The following GREB1L variants were observed in gnomAD, a reference collection of about 807,000 sequenced individuals.
GREB1L encodes the protein GREB1 like retinoic acid receptor coactivator, also known as GREB1-like protein.
In GREB1L, 17 loss-of-function variants were observed where a neutral mutation model predicts 200.8. The ratio of observed to expected loss-of-function variants is 0.08; its 90% CI spans 0.06 to 0.13. The LOEUF (loss-of-function observed/expected upper bound fraction) is 0.13, where lower values mean the gene tolerates loss of function less well. Among genes scored for constraint, GREB1L ranks in the 10% least tolerant of loss-of-function variants. The pLI, the probability that GREB1L is intolerant of heterozygous loss-of-function variation, is 1.00. For missense variants in GREB1L, 1,657 were observed against 2,367.7 expected (o/e 0.70, Z 6.23); for synonymous variants, 789 against 893.0 (o/e 0.88, Z 2.08).
intron 1 of GREB1L, among the ~76,000 whole-genome samples, chr18:21,319,422 A>G (rs955023094): frequency 3.3e-5 from 5 of 152,220 alleles, no homozygotes; most frequent in Admixed American, 3.3e-4. Flanking sequence ...ATGTTGATAA[A>G]TGTTAGGAAA....
At chr18:21,502,474 T>C (rs193024050) in intron 23 of GREB1L, among the ~76,000 whole-genome samples, 298 of 152,198 alleles carry the variant, frequency 2.0e-3, no homozygotes, top group African/African-American at 6.9e-3. Context: ...TTTACCTAAA[T>C]AGCTGAACCT....
Position 21,317,110 on chromosome 18 carries a change from G to A in GREB1L, c.-119-48917G>A, listed in dbSNP as rs376574167. Among the ~76,000 whole-genome samples, 112 of 151,932 alleles carry A rather than the reference G, an allele frequency of 7.4e-4. 2 individuals carry two copies. The highest frequency in any genetic ancestry group is 2.6e-3 in the African/African-American group (108 of 41,430). On this transcript the variant is annotated intron_variant, in intron 1 of 32. Transcript: ENST00000424526. Reference sequence around the variant, plus strand: ...TTTTTTTAAATCTCCTATCCAAGCGGGTGCCGTGTTACGTGCCTATAATCG... The same window carrying A: ...TTTTTTTAAATCTCCTATCCAAGCGAGTGCCGTGTTACGTGCCTATAATCG...
intron 1 of GREB1L, among the ~76,000 whole-genome samples, chr18:21,254,714 G>T (rs1232493940): frequency 2.0e-5 from 3 of 152,090 alleles, no homozygotes; most frequent in Non-Finnish European, 4.4e-5. Flanking sequence ...AGATTCTTTT[G>T]GTCATTCTCC....
At chr18:21,418,150 A>G (rs1279880431) in intron 7 of GREB1L, among the ~76,000 whole-genome samples, 1 of 152,130 alleles carries the variant, frequency 6.6e-6, no homozygotes, top group East Asian at 1.9e-4. Flanking sequence ...ACAATAGTCT[A>G]AAGGCCAGGA....
rs528034486 is a variant in GREB1L, at chr18:21,438,076, T to C, written c.833-1445T>C. ...AGGGTAGATCACTTGAACCCAGGAG[T>C]CCAAGACCAGCCTGGGAAACCCTGT... On this transcript the variant is annotated intron_variant, in intron 7 of 32. Transcript: ENST00000424526. Among the ~76,000 whole-genome samples the C allele has an allele frequency of 6.6e-5, 10 of 151,348 alleles. No individual in the cohort carries two copies. The East Asian group carries it at 1.8e-3, about 27-fold the overall frequency.
rs187354034 is a variant in GREB1L, at chr18:21,307,755, G to T, written c.-119-58272G>T. On this transcript the variant is annotated intron_variant, in intron 1 of 32. Coordinates refer to ENST00000424526, the MANE Select transcript of GREB1L (RefSeq NM_001142966.3). The stretch of plus-strand genomic sequence containing the variant: ...AAGCCCCAGCAGGAGACTCGGGGGC[G>T]GGGGGGAGGAGTGAGGTCAGGCTCA... Among the ~76,000 whole-genome samples, 12 of 152,018 alleles carry T rather than the reference G, an allele frequency of 7.9e-5. No homozygotes were observed. In the East Asian group the frequency reaches 1.9e-3, roughly 25 times the overall value.
intron 1 of GREB1L, among the ~76,000 whole-genome samples, chr18:21,302,869 G>A (rs879746209): frequency 1.5e-4 from 23 of 152,214 alleles, no homozygotes; most frequent in South Asian, 1.2e-3. Context: ...CTACAGTCAT[G>A]TGCCACCATG....
At chr18:21,414,358 G>A (rs180977670) in intron 7 of GREB1L, among the ~76,000 whole-genome samples, 162 of 152,244 alleles carry the variant, frequency 1.1e-3, no homozygotes, top group African/African-American at 3.7e-3. Context: ...AAACTGGTTC[G>A]TGGGAGAAGT....
chr18:21,505,360 T>G, intron 23 of GREB1L, 52 bp from the exon 24 acceptor site: 1 of 1,494,790 alleles, frequency 6.7e-7, no homozygotes, highest in Non-Finnish European at 9.0e-7. Flanking sequence ...CTCTGACACA[T>G]GGGGAAGAGG....
chr18:21,332,935 G>T (rs751027878), intron 1 of GREB1L, among the ~76,000 whole-genome samples: 12 of 151,968 alleles, frequency 7.9e-5, no homozygotes, highest in Non-Finnish European at 1.5e-4. Flanking sequence ...TAGATAATTA[G>T]CTGGGTGTGA....
At chr18:21,441,777 C>A (rs1323539346) in intron 10 of GREB1L, among the ~76,000 whole-genome samples, 1 of 152,156 alleles carries the variant, frequency 6.6e-6, no homozygotes, top group Non-Finnish European at 1.5e-5. Flanking sequence ...CATGAGCCAC[C>A]AGCGTTGGTA....
At chr18:21,378,838 A>C (rs2040184236) in intron 2 of GREB1L, among the ~76,000 whole-genome samples, 1 of 152,036 alleles carries the variant, frequency 6.6e-6, no homozygotes, top group Non-Finnish European at 1.5e-5. Context: ...TGTAATGGTG[A>C]AACTCCATTG....
At chr18:21,415,692 C>T (rs934436865) in intron 7 of GREB1L, among the ~76,000 whole-genome samples, 1 of 152,138 alleles carries the variant, frequency 6.6e-6, no homozygotes, top group African/African-American at 2.4e-5. Context: ...CACCAGCCAC[C>T]AGCCAAACAG....
At position 21,522,915 on chromosome 18, in the gene GREB1L, T is replaced by C; in HGVS notation, c.*94T>C. ...TCTTTTTCCTTTAAAGTACAATCAC[T>C]GTGGAGCAAAGTGCAACATATTTGT... On this transcript the variant is annotated 3_prime_UTR_variant, in exon 33 of 33. Coordinates refer to ENST00000424526, the MANE Select transcript of GREB1L (RefSeq NM_001142966.3). 1 of 1,170,294 alleles carries C rather than the reference T, an allele frequency of 8.5e-7. No homozygotes were observed. The highest frequency in any genetic ancestry group is 2.6e-5 in the East Asian group (1 of 38,402). 72.5% of individuals were successfully genotyped at this position (1,170,294 alleles called of 1,614,324 possible). A position where few individuals can be genotyped will look rare whatever the true frequency, so the allele number is the denominator to read the frequency against.
At chr18:21,313,826 G>T (rs1360477843) in intron 1 of GREB1L, among the ~76,000 whole-genome samples, 3 of 152,142 alleles carry the variant, frequency 2.0e-5, no homozygotes, top group Non-Finnish European at 4.4e-5. Context: ...ACTTGGCTCA[G>T]GTTTATGTTC....
chr18:21,443,481 A>G (rs1329747250), intron 10 of GREB1L, among the ~76,000 whole-genome samples: 2 of 152,232 alleles, frequency 1.3e-5, no homozygotes, highest in African/African-American at 4.8e-5. Context: ...TGCGGGGATT[A>G]TAGGCGTGAG....
At chr18:21,293,209 T>C (rs73422047) in intron 1 of GREB1L, among the ~76,000 whole-genome samples, 244 of 152,292 alleles carry the variant, frequency 1.6e-3, no homozygotes, top group African/African-American at 5.5e-3. Flanking sequence ...TGTCTGTGCA[T>C]GTAAGAGACT....
At chr18:21,292,677 A>G (rs1382370562) in intron 1 of GREB1L, among the ~76,000 whole-genome samples, 1 of 152,198 alleles carries the variant, frequency 6.6e-6, no homozygotes, top group Non-Finnish European at 1.5e-5. Flanking sequence ...GTAAGCATGT[A>G]TCAGTACTTC....
chr18:21,426,973 C>CAAAAAAA (rs56776768), intron 7 of GREB1L, among the ~76,000 whole-genome samples: 3 of 83,786 alleles, frequency 3.6e-5, no homozygotes, highest in African/African-American at 6.4e-5. Context: ...AAAAAAAAAA[C>CAAAAAAA]AAAAAAAAAA....
Sources: allele counts gnomAD v4.1 joint callset (sites outside exome capture counted in the v4.1 genomes callset), GRCh38; gene constraint gnomAD v4.1.1; transcripts MANE v1.5; gene names NCBI Gene and HGNC (gene_info 2026-07-23, HGNC 2026-07-21).